RYR3: variants seen among roughly 807,000 people sequenced by gnomAD.
The protein encoded by RYR3 is ryanodine receptor 3, also known as brain ryanodine receptor-calcium release channel.
RYR3 carries 207 observed loss-of-function variants against 584.3 expected under a neutral mutation model. The observed-to-expected ratio is 0.35, with a 90% CI of 0.32 to 0.40. The LOEUF is 0.40. Ranked by LOEUF, RYR3 falls within the 10% of genes least tolerant of loss-of-function variation. RYR3 has a pLI of 1.00. For missense variants in RYR3, 5,616 were observed against 6,089.2 expected, an observed-to-expected ratio of 0.92 and a Z score of 2.59; for synonymous variants, 2,416 against 2,248.5, an observed-to-expected ratio of 1.07 and a Z score of -2.11.
intron 1 of RYR3, among the ~76,000 whole-genome samples, chr15:33,461,289 A>G (rs1007458954): frequency 6.6e-6 from 1 of 152,080 alleles, no homozygotes; most frequent in Non-Finnish European, 1.5e-5. Flanking sequence ...TGGGAACTAA[A>G]CACTGAGTCC....
chr15:33,632,168 G>A (rs1246478445), intron 23 of RYR3, among the ~76,000 whole-genome samples: 1 of 152,244 alleles, frequency 6.6e-6, no homozygotes, highest in Admixed American at 6.5e-5. Context: ...AGAGGTCCTG[G>A]ATGGATTGAG....
chr15:33,457,202 A>T (rs911417605), intron 1 of RYR3, among the ~76,000 whole-genome samples: 1 of 152,238 alleles, frequency 6.6e-6, no homozygotes, highest in Non-Finnish European at 1.5e-5. Context: ...AACATTATTT[A>T]GCCATTCTGA....
Position 33,372,798 on chromosome 15 carries a change from G to A in RYR3, c.51+61702G>A, listed in dbSNP as rs1448518857. ...TAGGATTATAGGCGTGAGCCATAGC[G>A]CCCTGCCCATAAAGCTTTGACTCTT... On this transcript the variant is annotated intron_variant, in intron 1 of 103. Transcript: ENST00000634891. 3.9e-5 allele frequency among the ~76,000 whole-genome samples: 6 copies of A among 152,274 alleles called. No individual in the cohort carries two copies. In the East Asian group the frequency reaches 5.8e-4, roughly 15 times the overall value.
intron 1 of RYR3, among the ~76,000 whole-genome samples, chr15:33,431,502 C>T (rs1367580313): frequency 6.6e-6 from 1 of 152,138 alleles, no homozygotes; most frequent in Non-Finnish European, 1.5e-5. Flanking sequence ...GTGGCTCACA[C>T]CTATAAACCC....
At chr15:33,761,926 T>C (rs1356794997) in intron 60 of RYR3, among the ~76,000 whole-genome samples, 1 of 152,154 alleles carries the variant, frequency 6.6e-6, no homozygotes. Context: ...AAGTCGACTT[T>C]ATCCCTGGGA....
chr15:33,595,952 G>A (rs1035546908), intron 16 of RYR3, among the ~76,000 whole-genome samples: 6 of 151,482 alleles, frequency 4.0e-5, no homozygotes, highest in African/African-American at 1.5e-4. Context: ...TGACAGGGTT[G>A]GACTTTCTGA....
Position 33,816,864 on chromosome 15 carries a change from A to C in RYR3, c.10505A>C (p.His3502Pro), listed in dbSNP as rs1331229171. 6.2e-7 allele frequency: 1 copy of C among 1,610,132 alleles called. No homozygotes were observed. The highest frequency in any genetic ancestry group is 2.2e-5 in the East Asian group (1 of 44,824). ...TCCCTCTCACCCCTTCCGCTCAGGC[A>C]CCGCTCTATTAACCTCTTCCTCCAT... is the stretch of plus-strand genomic sequence containing the variant. ...RMAPLYNLPR[H>P]RSINLFLHGY... Residue 3502 changes from histidine (H) to proline (P), a missense_variant and splice_region_variant, in exon 75 of 104, where the codon CAC (histidine) becomes CCC (proline). His to Pro is a moderately conservative substitution (Grantham distance 77). This residue lies in a region of RYR3 where 954 missense variants were observed against 1,132.2 expected (regional missense o/e 0.84). Transcript: ENST00000634891.
chr15:33,827,473 G>A (rs1372767522), intron 85 of RYR3, among the ~76,000 whole-genome samples, 186 bp downstream of exon 85: 1 of 152,228 alleles, frequency 6.6e-6, no homozygotes, highest in African/African-American at 2.4e-5. Context: ...AGAAGTGGGA[G>A]ACGTGGTTAA....
At chr15:33,552,637 A>G (rs763452816) in intron 10 of RYR3, among the ~76,000 whole-genome samples, 4 of 152,208 alleles carry the variant, frequency 2.6e-5, no homozygotes, top group Non-Finnish European at 2.9e-5. Flanking sequence ...CTTAGGCTCT[A>G]TGGCAGGCCA....
chr15:33,671,061 C>A (rs561664194), intron 38 of RYR3, among the ~76,000 whole-genome samples: 1 of 152,008 alleles, frequency 6.6e-6, no homozygotes, highest in African/African-American at 2.4e-5. Context: ...ATCCTAGAAA[C>A]TTTGACTTCC....
Position 33,660,399 on chromosome 15 carries a change from C to G in RYR3, c.4598C>G (p.Ala1533Gly), listed in dbSNP as rs368925275. Residue 1533 changes from alanine (A) to glycine (G), a missense_variant, in exon 34 of 104, where the codon GCG (alanine) becomes GGG (glycine). Ala to Gly is a moderately conservative substitution (Grantham distance 60). Around this residue, in one of 9 missense-constraint regions of RYR3, gnomAD observed 753 missense variants for 741.0 expected, o/e 1.02. Transcript: ENST00000634891. ...TGCCTGGAGCCCCTGCAGATGATGGCGCTCCACATCCCCGAGGAGAACAGG... is the reference window on the plus strand; with the variant it reads ...TGCCTGGAGCCCCTGCAGATGATGGGGCTCCACATCCCCGAGGAGAACAGG... ...VQCLEPLQMM[A>G]LHIPEENRCV... The G allele has an allele frequency of 1.1e-5, 17 of 1,571,500 alleles. No homozygotes were observed. Among genetic ancestry groups the G allele is most frequent in the Non-Finnish European group, 1.5e-5 (17 of 1,158,358 alleles).
intron 12 of RYR3, among the ~76,000 whole-genome samples, chr15:33,575,834 T>TAAAA (rs1555535394): frequency 2.8e-3 from 412 of 144,578 alleles, no homozygotes; most frequent in African/African-American, 9.7e-3. Context: ...GAGCTGGTTT[T>TAAAA]AAAAAAAAAA....
chr15:33,544,812 G>A (rs2056114445), intron 8 of RYR3, among the ~76,000 whole-genome samples: 1 of 152,150 alleles, frequency 6.6e-6, no homozygotes, highest in Non-Finnish European at 1.5e-5. Flanking sequence ...ACAGACCTAT[G>A]TAAAGTGCTG....
At chr15:33,685,617 A>T (rs1405076104) in intron 38 of RYR3, among the ~76,000 whole-genome samples, 3 of 152,222 alleles carry the variant, frequency 2.0e-5, no homozygotes, top group Non-Finnish European at 4.4e-5. Flanking sequence ...AGAACTCTCT[A>T]CCCCAAATCA....
intron 1 of RYR3, among the ~76,000 whole-genome samples, chr15:33,328,675 T>TG (rs1487239430): frequency 1.3e-5 from 2 of 152,376 alleles, no homozygotes; most frequent in East Asian, 3.9e-4. Flanking sequence ...GTGTAATTGT[T>TG]GTCTTAGACT....
intron 32 of RYR3, among the ~76,000 whole-genome samples, chr15:33,653,527 G>A (rs992686983): frequency 2.6e-5 from 4 of 151,970 alleles, no homozygotes; most frequent in East Asian, 1.9e-4. Context: ...AAAATTAGCC[G>A]AGCGTGGTGG....
chr15:33,652,794 G>C lies in RYR3; in HGVS notation c.4219G>C (p.Val1407Leu), dbSNP rs1430659504. The C allele has an allele frequency of 1.2e-6, 2 of 1,613,920 alleles. No homozygotes were observed. Among genetic ancestry groups the C allele is most frequent in the Middle Eastern group, 1.6e-4 (1 of 6,062 alleles). Reference sequence around the variant, plus strand: ...TTCCCAGAGATCAAATCGGAGCAACGTGGACCTGGAGATCGGCTGTCTCGT... The same window carrying C: ...TTCCCAGAGATCAAATCGGAGCAACCTGGACCTGGAGATCGGCTGTCTCGT... The part of the protein sequence containing the change: ...ASSQRSNRSN[V>L]DLEIGCLVDL... Residue 1407 changes from valine (V) to leucine (L), a missense_variant, in exon 32 of 104, where the codon GTG (valine) becomes CTG (leucine). Coordinates refer to ENST00000634891, the MANE Select transcript of RYR3 (RefSeq NM_001036.6).
At chr15:33,656,801 C>T (rs546789556) in intron 32 of RYR3, among the ~76,000 whole-genome samples, 1 of 152,302 alleles carries the variant, frequency 6.6e-6, no homozygotes, top group African/African-American at 2.4e-5. Flanking sequence ...TACACGTGGC[C>T]CCCTCCATTT....
At chr15:33,810,684 T>C (rs1200925849) in intron 71 of RYR3, 35 bp downstream of exon 71, 12 of 1,613,168 alleles carry the variant, frequency 7.4e-6, no homozygotes, top group Admixed American at 5.0e-5. Flanking sequence ...GAGTGTGTGA[T>C]CCACATGGTG....
Sources: gnomAD v4.1 joint callset for allele counts (sites outside exome capture counted in the v4.1 genomes callset) on GRCh38, gnomAD v4.1.1 for gene constraint, gnomAD v4.1.1 regional missense constraint, MANE v1.5 for transcripts, NCBI Gene and HGNC (gene_info 2026-07-23, HGNC 2026-07-21) for gene names.